CSMD3: variants seen among roughly 807,000 people sequenced by gnomAD.
CSMD3 encodes CUB and Sushi multiple domains 3, also known as CUB and sushi domain-containing protein 3.
Under a neutral mutation model 435.2 loss-of-function variants are expected in CSMD3, and 177 were observed. That is an observed-to-expected ratio of 0.41 (90% CI 0.36 to 0.46). The LOEUF is 0.46. Ranked by LOEUF, CSMD3 falls within the 20% of genes least tolerant of loss-of-function variation. The pLI is 0.34. For synonymous variants in CSMD3, 1,656 were observed against 1,520.5 expected, an observed-to-expected ratio of 1.09 and a Z score of -2.07; for missense variants, 4,265 against 4,504.6, an observed-to-expected ratio of 0.95 and a Z score of 1.52.
intron 4 of CSMD3, among the ~76,000 whole-genome samples, chr8:113,156,320 G>A (rs1042158352): frequency 1.3e-5 from 2 of 151,896 alleles, no homozygotes; most frequent in Non-Finnish European, 2.9e-5. Flanking sequence ...TTCTCTGACA[G>A]CAGACATTTT....
At chr8:112,486,508 T>C (rs562201816) in intron 31 of CSMD3, among the ~76,000 whole-genome samples, 1 of 152,144 alleles carries the variant, frequency 6.6e-6, no homozygotes, top group Non-Finnish European at 1.5e-5. Flanking sequence ...TTGATACAGG[T>C]AAGCTGTCAT....
chr8:113,306,468 G>A (rs550267560), intron 2 of CSMD3, among the ~76,000 whole-genome samples: 2 of 152,180 alleles, frequency 1.3e-5, no homozygotes, highest in African/African-American at 4.8e-5. Flanking sequence ...CTACCCTCTG[G>A]TCATTTGTTT....
intron 45 of CSMD3, among the ~76,000 whole-genome samples, chr8:112,323,995 C>T (rs1045570710): frequency 6.6e-6 from 1 of 152,058 alleles, no homozygotes; most frequent in Admixed American, 6.6e-5. Flanking sequence ...AAAATTAAGA[C>T]ACATTGTCTC....
At chr8:113,402,245 A>C (rs2094513768) in intron 1 of CSMD3, among the ~76,000 whole-genome samples, 1 of 148,608 alleles carries the variant, frequency 6.7e-6, no homozygotes, top group African/African-American at 2.5e-5. Flanking sequence ...AGGATTATTA[A>C]TTTTCATCAT....
chr8:113,286,911 A>C (rs1427091701), intron 2 of CSMD3, among the ~76,000 whole-genome samples: 9 of 151,976 alleles, frequency 5.9e-5, no homozygotes, highest in Admixed American at 5.9e-4. Context: ...GCAGGAGGAA[A>C]GGAGAGAGGA....
intron 13 of CSMD3, among the ~76,000 whole-genome samples, chr8:112,740,872 T>C (rs898457125): frequency 6.6e-6 from 1 of 151,946 alleles, no homozygotes; most frequent in Non-Finnish European, 1.5e-5. Context: ...TGTTGAGTAT[T>C]TCTGCATGTT....
At chr8:112,552,408 C>T (rs1424397038) in intron 26 of CSMD3, among the ~76,000 whole-genome samples, 186 bp downstream of exon 26, 3 of 151,938 alleles carry the variant, frequency 2.0e-5, no homozygotes, top group African/African-American at 4.8e-5. Context: ...ATCATTTGAG[C>T]CTATGAGGAG....
intron 27 of CSMD3, among the ~76,000 whole-genome samples, chr8:112,525,870 T>A (rs1348776680): frequency 7.0e-6 from 1 of 143,214 alleles, no homozygotes; most frequent in Non-Finnish European, 1.5e-5. Context: ...ATAGTTTTTG[T>A]TTTTTATATA....
intron 21 of CSMD3, among the ~76,000 whole-genome samples, chr8:112,638,183 T>C (rs2131586354): frequency 8.1e-6 from 1 of 124,194 alleles, no homozygotes; most frequent in South Asian, 2.5e-4. Flanking sequence ...AATAAATTAC[T>C]ATTTATTAAT....
chr8:113,361,076 TTAAG>T (rs1371711957), intron 1 of CSMD3, among the ~76,000 whole-genome samples: 2 of 152,194 alleles, frequency 1.3e-5, no homozygotes, highest in Non-Finnish European at 2.9e-5. Context: ...GATGGCATCT[TTAAG>T]TAAAGATTAT....
chr8:112,433,253 C>CTATAGCAGG (rs11280682), intron 32 of CSMD3, among the ~76,000 whole-genome samples: 12 of 151,646 alleles, frequency 7.9e-5, no homozygotes, highest in Middle Eastern at 3.4e-3. Flanking sequence ...GCAGAAATAA[C>CTATAGCAGG]AAAGAAATAA....
intron 32 of CSMD3, among the ~76,000 whole-genome samples, chr8:112,462,314 T>G (rs1406661308): frequency 6.6e-6 from 1 of 152,138 alleles, no homozygotes; most frequent in Admixed American, 6.5e-5. Context: ...AAAACAACCA[T>G]AAATGGGGAA....
chr8:113,142,070 G>C (rs1221343169), intron 4 of CSMD3, among the ~76,000 whole-genome samples: 2 of 151,016 alleles, frequency 1.3e-5, no homozygotes, highest in African/African-American at 2.4e-5. Flanking sequence ...AACAAAACTA[G>C]TACAGGAACT....
At chr8:113,358,289 C>T (rs1364330573) in intron 1 of CSMD3, among the ~76,000 whole-genome samples, 1 of 152,180 alleles carries the variant, frequency 6.6e-6, no homozygotes, top group African/African-American at 2.4e-5. Context: ...CAAAGAAATA[C>T]TACATATGCA....
rs140760844 is a variant in CSMD3, at chr8:112,649,729, G to T, written c.3193+432C>A. Among the ~76,000 whole-genome samples, 648 of 152,306 alleles carry T rather than the reference G, an allele frequency of 4.3e-3. 12 individuals are homozygous for T. Among genetic ancestry groups the T allele is most frequent in the African/African-American group, 0.015 (612 of 41,564 alleles). ...GGTAGTCGGAGTAAACTACCATAGT[G>T]CTGTGTAGCTGGTTAGAATTTTTGT... On this transcript the variant is annotated intron_variant, in intron 19 of 70. Transcript: ENST00000297405.
intron 5 of CSMD3, among the ~76,000 whole-genome samples, chr8:113,039,627 T>C (rs1304488654): frequency 6.6e-6 from 1 of 151,800 alleles, no homozygotes; most frequent in Non-Finnish European, 1.5e-5. Context: ...AAGAAAAAAA[T>C]AAAAGCACAT....
intron 1 of CSMD3, among the ~76,000 whole-genome samples, chr8:113,379,646 C>T (rs1046156241): frequency 2.0e-5 from 3 of 152,136 alleles, no homozygotes; most frequent in African/African-American, 7.2e-5. Flanking sequence ...GATCTCATAT[C>T]TTCAGCTTCT....
intron 12 of CSMD3, among the ~76,000 whole-genome samples, chr8:112,804,717 T>C (rs976670393): frequency 1.3e-5 from 2 of 151,842 alleles, no homozygotes; most frequent in African/African-American, 2.4e-5. Flanking sequence ...TAGGCTGGAG[T>C]GCATTGGCGC....
At chr8:113,336,158 C>T (rs1469009097) in intron 1 of CSMD3, among the ~76,000 whole-genome samples, 1 of 151,680 alleles carries the variant, frequency 6.6e-6, no homozygotes, top group Admixed American at 6.6e-5. Flanking sequence ...TTTCTGTCTT[C>T]AGTTCTTAGA....
Sources: allele counts gnomAD v4.1 joint callset (sites outside exome capture counted in the v4.1 genomes callset), GRCh38; gene constraint gnomAD v4.1.1; transcripts MANE v1.5; gene names NCBI Gene and HGNC (gene_info 2026-07-23, HGNC 2026-07-21).